PARD3B: variants seen among roughly 807,000 people sequenced by gnomAD.
PARD3B encodes par-3 family cell polarity regulator beta.
Under a neutral mutation model 130.2 loss-of-function variants are expected in PARD3B, and 103 were observed. The ratio of observed to expected loss-of-function variants is 0.79; its 90% confidence interval spans 0.67 to 0.93. The LOEUF is 0.93. Ranked by LOEUF, PARD3B falls within the 40% of genes least tolerant of loss-of-function variation. The pLI is 0.00. For synonymous variants in PARD3B, 583 were observed against 553.2 expected (o/e 1.05, Z -0.76); for missense variants, 1,609 against 1,499.2 (o/e 1.07, Z -1.21).
intron 18 of PARD3B, among the ~76,000 whole-genome samples, chr2:205,314,150 TG>T (rs1221778149): frequency 1.3e-5 from 2 of 152,162 alleles, no homozygotes; most frequent in Non-Finnish European, 2.9e-5. Context: ...ATAATTTGCT[TG>T]GGGGGCAAAT....
chr2:205,018,921 A>G lies in PARD3B; in HGVS notation c.395-28660A>G, dbSNP rs553081173. On this transcript the variant is annotated intron_variant, in intron 3 of 22. Coordinates refer to ENST00000406610, the MANE Select transcript of PARD3B (RefSeq NM_001302769.2). ...TAAGATTTTTTAACTCATGTAATAA[A>G]GTTGATTTATACTTAAATTTATCAG... Among the ~76,000 whole-genome samples, 6 of 152,234 alleles carry G rather than the reference A, an allele frequency of 3.9e-5. No homozygotes were observed. The South Asian group carries it at 1.2e-3, about 32-fold the overall frequency.
chr2:204,773,706 T>C (rs1240235195), intron 2 of PARD3B, among the ~76,000 whole-genome samples: 1 of 152,096 alleles, frequency 6.6e-6, no homozygotes, highest in Non-Finnish European at 1.5e-5. Context: ...TACTATTGCC[T>C]TGGACAGTAA....
At chr2:204,862,499 C>T (rs6726480) in intron 2 of PARD3B, among the ~76,000 whole-genome samples, 42,874 of 152,130 alleles carry the variant, frequency 0.28, 11,019 homozygotes, top group African/African-American at 0.69. Flanking sequence ...ACATTTACCA[C>T]TGGACTCCTT....
intron 5 of PARD3B, among the ~76,000 whole-genome samples, chr2:205,110,263 A>G (rs1439675160): frequency 1.3e-5 from 2 of 152,196 alleles, no homozygotes; most frequent in African/African-American, 4.8e-5. Context: ...CTTCTATTGT[A>G]TATTTTTCCC....
intron 16 of PARD3B, among the ~76,000 whole-genome samples, chr2:205,257,692 CTG>C (rs1485855298): frequency 1.3e-5 from 2 of 152,118 alleles, no homozygotes; most frequent in Admixed American, 6.5e-5. Flanking sequence ...TGTTCAAAAA[CTG>C]AGTTATTTTT....
At chr2:205,257,353 C>A (rs2040133223) in intron 16 of PARD3B, among the ~76,000 whole-genome samples, 2 of 150,424 alleles carry the variant, frequency 1.3e-5, no homozygotes, top group African/African-American at 4.9e-5. Context: ...CCAAGCAAAC[C>A]AAACCACAAC....
intron 4 of PARD3B, among the ~76,000 whole-genome samples, chr2:205,076,621 G>T (rs187347108): frequency 8.1e-4 from 124 of 152,236 alleles, no homozygotes; most frequent in African/African-American, 2.9e-3. Context: ...CACTGCCTGC[G>T]CTCAGGCTCC....
chr2:204,551,353 G>C (rs1231046274), intron 1 of PARD3B, among the ~76,000 whole-genome samples: 1 of 152,172 alleles, frequency 6.6e-6, no homozygotes, highest in East Asian at 1.9e-4. Context: ...AGACACCTCT[G>C]CTCTCTTTAG....
chr2:205,028,729 A>G (rs1368680651), intron 3 of PARD3B, among the ~76,000 whole-genome samples: 1 of 152,172 alleles, frequency 6.6e-6, no homozygotes, highest in East Asian at 1.9e-4. Context: ...AAGAAATTAA[A>G]TTGTCTCTGT....
intron 16 of PARD3B, among the ~76,000 whole-genome samples, chr2:205,255,133 A>G (rs935642562): frequency 6.6e-6 from 1 of 151,836 alleles, no homozygotes; most frequent in African/African-American, 2.4e-5. Context: ...TCGGAGCCCC[A>G]GCTGAACTCT....
intron 22 of PARD3B, among the ~76,000 whole-genome samples, chr2:205,603,803 T>C (rs1447645738): frequency 6.6e-6 from 1 of 152,196 alleles, no homozygotes; most frequent in Non-Finnish European, 1.5e-5. Context: ...TCTATGCTGC[T>C]TGCCATTCTG....
In PARD3B at chr2:205,401,027, A is replaced by G; in HGVS notation, c.2645A>G (p.Lys882Arg). 1 of 1,598,962 alleles carries G rather than the reference A, an allele frequency of 6.3e-7. No individual in the cohort carries two copies. Among genetic ancestry groups the G allele is most frequent in the Non-Finnish European group, 8.5e-7 (1 of 1,172,324 alleles). Residue 882 changes from lysine (K) to arginine (R), a missense_variant, in exon 19 of 23, where the codon AAA becomes AGA. Coordinates refer to ENST00000406610, the MANE Select transcript of PARD3B (RefSeq NM_001302769.2). ...CGTTTCACTAGATTTGGAAAGAAGA[A>G]AGAGGATAAGGGTGGAAAGGCTGAG... ...FGAMLRFGKKKEDKGGKAEQK... is the reference protein window; with the variant it reads ...FGAMLRFGKKREDKGGKAEQK...
intron 22 of PARD3B, among the ~76,000 whole-genome samples, chr2:205,613,044 C>T (rs1158749496): frequency 1.3e-5 from 2 of 152,154 alleles, no homozygotes; most frequent in Non-Finnish European, 2.9e-5. Flanking sequence ...ACAAGGCGTG[C>T]CTGTCTTTTA....
At chr2:204,654,592 T>C (rs1559032752) in intron 1 of PARD3B, among the ~76,000 whole-genome samples, 2 of 152,162 alleles carry the variant, frequency 1.3e-5, no homozygotes, top group South Asian at 4.1e-4. Context: ...TTTATATCCA[T>C]ATAGTGGATT....
chr2:205,425,190 G>C (rs1012996085), intron 19 of PARD3B, among the ~76,000 whole-genome samples: 1 of 152,130 alleles, frequency 6.6e-6, no homozygotes, highest in African/African-American at 2.4e-5. Flanking sequence ...AATATCATAA[G>C]CACTCTGTAG....
chr2:205,380,003 G>A (rs1280813988), intron 18 of PARD3B, among the ~76,000 whole-genome samples: 1 of 147,734 alleles, frequency 6.8e-6, no homozygotes, highest in Admixed American at 7.0e-5. Context: ...AGAAGATGGA[G>A]GTTGCAGTGA....
chr2:205,010,399 G>A (rs1695620630), intron 3 of PARD3B, among the ~76,000 whole-genome samples: 1 of 152,072 alleles, frequency 6.6e-6, no homozygotes, highest in African/African-American at 2.4e-5. Context: ...CTGCAATACT[G>A]AAAATTCCTT....
intron 2 of PARD3B, among the ~76,000 whole-genome samples, chr2:204,691,076 G>A (rs2037332369): frequency 6.6e-6 from 1 of 152,126 alleles, no homozygotes; most frequent in African/African-American, 2.4e-5. Context: ...GTATGTAAAG[G>A]CCCTAAGAAG....
chr2:204,657,654 C>T (rs1011373508), intron 1 of PARD3B, among the ~76,000 whole-genome samples: 2 of 152,152 alleles, frequency 1.3e-5, no homozygotes, highest in Admixed American at 6.5e-5. Flanking sequence ...CATACGTTTT[C>T]AGGTAATCCT....
Sources: allele counts gnomAD v4.1 joint callset (sites outside exome capture counted in the v4.1 genomes callset), GRCh38; gene constraint gnomAD v4.1.1; transcripts MANE v1.5; gene names NCBI Gene and HGNC (gene_info 2026-07-23, HGNC 2026-07-21).